The following GLIS1 variants were observed in gnomAD, a reference collection of about 807,000 sequenced individuals.
The protein encoded by GLIS1 is GLIS family zinc finger 1.
Under a neutral mutation model 63.8 loss-of-function variants are expected in GLIS1, and 24 were observed. That is an observed-to-expected ratio of 0.38 (90% CI 0.27 to 0.53). The LOEUF is 0.53. Ranked by LOEUF, GLIS1 falls within the 20% of genes least tolerant of loss-of-function variation. The pLI is 0.85. For missense variants in GLIS1, 1,036 were observed against 1,074.1 expected (o/e 0.96, Z 0.50); for synonymous variants, 450 against 482.5 (o/e 0.93, Z 0.88).
intron 2 of GLIS1, among the ~76,000 whole-genome samples, chr1:53,613,032 T>G (rs1213597848): frequency 6.6e-6 from 1 of 152,130 alleles, no homozygotes; most frequent in Non-Finnish European, 1.5e-5. Flanking sequence ...TTGGCCAGGC[T>G]GGTCTCAAAC....
At chr1:53,623,398 A>C (rs1430007883) in intron 2 of GLIS1, among the ~76,000 whole-genome samples, 1 of 152,238 alleles carries the variant, frequency 6.6e-6, no homozygotes, top group Non-Finnish European at 1.5e-5. Flanking sequence ...TCCTCAAAAT[A>C]ATAAAGTATA....
intron 4 of GLIS1, among the ~76,000 whole-genome samples, chr1:53,582,077 A>C (rs1435044222): frequency 6.6e-6 from 1 of 152,192 alleles, no homozygotes; most frequent in African/African-American, 2.4e-5. Context: ...CCCTGGCCTC[A>C]CTGTCTCTAC....
chr1:53,709,405 T>TATTTAC (rs1646620309), intron 2 of GLIS1, among the ~76,000 whole-genome samples: 1 of 117,202 alleles, frequency 8.5e-6, no homozygotes, highest in Non-Finnish European at 1.6e-5. Flanking sequence ...CATATACATA[T>TATTTAC]ATATATACAC....
intron 2 of GLIS1, among the ~76,000 whole-genome samples, chr1:53,640,168 G>A (rs922373048): frequency 1.3e-5 from 2 of 152,162 alleles, no homozygotes; most frequent in Non-Finnish European, 1.5e-5. Context: ...GTCAGAGGTG[G>A]GGTACCATGC....
chr1:53,522,623 C>A (rs1644421512), intron 6 of GLIS1, among the ~76,000 whole-genome samples: 1 of 152,158 alleles, frequency 6.6e-6, no homozygotes, highest in African/African-American at 2.4e-5. Context: ...CTTAGTTTCT[C>A]CATCTCTAAA....
rs1359747024 is a variant in GLIS1 at position 53,594,129 on chromosome 1, G to A, written c.1299C>T (p.Gly433=). 18 of 1,611,000 alleles carry A rather than the reference G, an allele frequency of 1.1e-5. No homozygotes were observed. The highest frequency in any genetic ancestry group is 1.7e-5 in the Admixed American group (1 of 59,950). ...KLLIHMRVHS[G]EKPNKCMFEG... is the part of the protein sequence containing the mutation. ...TCACCATGCACTTGTTGGGCTTCTC[G>A]CCCGAGTGCACTCGCATGTGGATGA... The change falls in exon 4 of 11, where the codon GGC becomes GGT. Residue 433 remains glycine (G), a synonymous_variant. Coordinates refer to ENST00000628545, the MANE Select transcript of GLIS1 (RefSeq NM_001367484.1).
At chr1:53,542,446 G>A (rs970266664) in intron 4 of GLIS1, among the ~76,000 whole-genome samples, 6 of 152,224 alleles carry the variant, frequency 3.9e-5, no homozygotes, top group Non-Finnish European at 7.3e-5. Context: ...GGCACAGAGC[G>A]GGTGTTCGTG....
At chr1:53,697,574 T>C (rs1646478781) in intron 2 of GLIS1, among the ~76,000 whole-genome samples, 1 of 152,094 alleles carries the variant, frequency 6.6e-6, no homozygotes, top group Non-Finnish European at 1.5e-5. Context: ...CAACCCCTGC[T>C]CAGGGCTCGA....
chr1:53,588,131 G>C (rs1218800279), intron 4 of GLIS1, among the ~76,000 whole-genome samples: 1 of 152,140 alleles, frequency 6.6e-6, no homozygotes, highest in Non-Finnish European at 1.5e-5. Flanking sequence ...TCTCAATAAT[G>C]ATCTTGTCCC....
At chr1:53,638,291 C>T (rs1370972616) in intron 2 of GLIS1, among the ~76,000 whole-genome samples, 2 of 152,198 alleles carry the variant, frequency 1.3e-5, no homozygotes. Context: ...GTGCTGGATA[C>T]CATAACCCAA....
intron 2 of GLIS1, among the ~76,000 whole-genome samples, chr1:53,718,713 A>T (rs1263489390): frequency 6.6e-6 from 1 of 152,102 alleles, no homozygotes; most frequent in Non-Finnish European, 1.5e-5. Flanking sequence ...CTACTCCTAG[A>T]AAGTCTGTGG....
rs1164965065 is a variant in GLIS1 at position 53,511,993 on chromosome 1, T to G, written c.1884-1966A>C. 6.6e-6 allele frequency among the ~76,000 whole-genome samples: 1 copy of G among 152,242 alleles called. No individual in the cohort carries two copies. Among genetic ancestry groups the G allele is most frequent in the Non-Finnish European group, 1.5e-5 (1 of 68,044 alleles). The stretch of plus-strand genomic sequence containing the variant: ...CCAATGACACTAATAAATGAGTTTC[T>G]GAATCTCTCAGTTGCAAATCCCAGA... On this transcript the variant is annotated intron_variant, in intron 8 of 10. Transcript: ENST00000628545. This position sits in a 1 kb window ranked among gnomAD's most constrained non-coding sequence, Gnocchi z 4.2.
At chr1:53,663,843 C>G (rs1646058094) in intron 2 of GLIS1, among the ~76,000 whole-genome samples, 1 of 152,210 alleles carries the variant, frequency 6.6e-6, no homozygotes, top group African/African-American at 2.4e-5. Context: ...ATAGCCTTTA[C>G]AAGGAGCCAG....
rs1645766293 is a variant in GLIS1 at position 53,639,782 on chromosome 1, C to A, written c.260-39504G>T. Among the ~76,000 whole-genome samples the A allele has an allele frequency of 6.6e-6, 1 of 152,130 alleles. No individual in the cohort carries two copies. Among genetic ancestry groups the A allele is most frequent in the Non-Finnish European group, 1.5e-5 (1 of 68,030 alleles). On this transcript the variant is annotated intron_variant, in intron 2 of 10. Coordinates refer to ENST00000628545, the MANE Select transcript of GLIS1 (RefSeq NM_001367484.1). This position sits in a 1 kb window ranked among gnomAD's most constrained non-coding sequence, Gnocchi z 4.6. ...GCTGTGGGCTTCAATGTATGCAAAC[C>A]CTTCTCCCCCAGGACTATACTCCTC...
At chr1:53,648,221 A>T (rs1348093798) in intron 2 of GLIS1, among the ~76,000 whole-genome samples, 3 of 152,222 alleles carry the variant, frequency 2.0e-5, no homozygotes, top group Non-Finnish European at 4.4e-5. Flanking sequence ...CACTTTACAA[A>T]AGAGAATATT....
chr1:53,536,161 G>A (rs2100351940), intron 4 of GLIS1, among the ~76,000 whole-genome samples: 1 of 152,116 alleles, frequency 6.6e-6, no homozygotes, highest in East Asian at 1.9e-4. Flanking sequence ...GGCACCTTCT[G>A]TCGAGGGTGG....
chr1:53,541,859 A>C (rs1644646773), intron 4 of GLIS1, among the ~76,000 whole-genome samples: 1 of 152,252 alleles, frequency 6.6e-6, no homozygotes, highest in Non-Finnish European at 1.5e-5. Context: ...TGGGGGTCTG[A>C]GGCTCGGTCC....
chr1:53,575,136 T>A (rs750021510), intron 4 of GLIS1, among the ~76,000 whole-genome samples: 3 of 151,948 alleles, frequency 2.0e-5, no homozygotes, highest in East Asian at 1.9e-4. Flanking sequence ...CTTGGAAAAA[T>A]TTCTAGAATT....
intron 4 of GLIS1, among the ~76,000 whole-genome samples, chr1:53,578,832 G>A (rs959669168): frequency 1.1e-4 from 16 of 152,162 alleles, no homozygotes; most frequent in Non-Finnish European, 1.9e-4. Context: ...ACAGAAGGGA[G>A]CAGAGTAGAA....
Sources: gnomAD v4.1 joint callset for allele counts (sites outside exome capture counted in the v4.1 genomes callset) on GRCh38, gnomAD v4.1.1 for gene constraint, Gnocchi (gnomAD v3.1) non-coding constraint, MANE v1.5 for transcripts, NCBI Gene and HGNC (gene_info 2026-07-23, HGNC 2026-07-21) for gene names.